MGAT4C: variants seen among roughly 807,000 people sequenced by gnomAD.
The protein encoded by MGAT4C is MGAT4 family member C, also known as alpha-1,3-mannosyl-glycoprotein 4-beta-N-acetylglucosaminyltransferase C.
A neutral mutation model predicts 40.1 loss-of-function variants in MGAT4C; 19 were observed. The observed-to-expected ratio is 0.47, with a 90% CI of 0.33 to 0.70. The LOEUF (loss-of-function observed/expected upper bound fraction) is 0.70, where lower values mean the gene tolerates loss of function less well. Ranked by LOEUF, MGAT4C falls within the 30% of genes least tolerant of loss-of-function variation. MGAT4C has a pLI of 0.02. For synonymous variants in MGAT4C, 181 were observed against 187.1 expected, an observed-to-expected ratio of 0.97 and a Z score of 0.27; for missense variants, 491 against 563.2, an observed-to-expected ratio of 0.87 and a Z score of 1.30.
At chr12:86,296,415 C>T (rs1299047651) in intron 4 of MGAT4C, among the ~76,000 whole-genome samples, 2 of 152,290 alleles carry the variant, frequency 1.3e-5, no homozygotes, top group Non-Finnish European at 2.9e-5. Flanking sequence ...CTCCTCAGCC[C>T]TTGGGCGGTC....
At chr12:86,606,219 T>C (rs928759369) in intron 2 of MGAT4C, among the ~76,000 whole-genome samples, 3 of 152,092 alleles carry the variant, frequency 2.0e-5, no homozygotes, top group African/African-American at 7.2e-5. Flanking sequence ...TGATGAGATT[T>C]GGGTGGGGAT....
chr12:86,603,408 T>TA (rs575288008), intron 2 of MGAT4C, among the ~76,000 whole-genome samples: 1,320 of 119,176 alleles, frequency 0.011, 9 homozygotes, highest in Non-Finnish European at 0.014. Context: ...ATATTATATA[T>TA]TAGTATATAT....
At chr12:86,441,179 C>A (rs1454904763) in intron 2 of MGAT4C, among the ~76,000 whole-genome samples, 4 of 151,770 alleles carry the variant, frequency 2.6e-5, no homozygotes, top group Admixed American at 6.6e-5. Context: ...GCAAAAAGAA[C>A]AAATCTGGAG....
At chr12:86,153,264 C>T (rs1240255404) in intron 1 of MGAT4C, among the ~76,000 whole-genome samples, 1 of 152,114 alleles carries the variant, frequency 6.6e-6, no homozygotes, top group Non-Finnish European at 1.5e-5. Flanking sequence ...ACATTTAGGC[C>T]ACTAAGGAGA....
chr12:86,277,934 T>C (rs1953116421), intron 4 of MGAT4C, among the ~76,000 whole-genome samples: 1 of 152,164 alleles, frequency 6.6e-6, no homozygotes, highest in South Asian at 2.1e-4. Flanking sequence ...CATTTAAGCA[T>C]GTCATTGGCA....
At chr12:86,030,973 C>A (rs182388187) in intron 2 of MGAT4C, among the ~76,000 whole-genome samples, 1 of 151,726 alleles carries the variant, frequency 6.6e-6, no homozygotes, top group African/African-American at 2.4e-5. Context: ...GTAACCATTA[C>A]ATTTAGTCAC....
intron 2 of MGAT4C, among the ~76,000 whole-genome samples, chr12:86,688,569 T>A (rs1593116892): frequency 6.6e-6 from 1 of 152,140 alleles, no homozygotes; most frequent in East Asian, 1.9e-4. Context: ...AGCAGTTGCT[T>A]GTCTGTGAAG....
At chr12:86,322,930 T>G (rs530112960) in intron 4 of MGAT4C, among the ~76,000 whole-genome samples, 62 of 152,148 alleles carry the variant, frequency 4.1e-4, no homozygotes, top group African/African-American at 1.4e-3. Flanking sequence ...GCGGAAGAGT[T>G]AATTTTATAT....
chr12:86,025,250 G>A (rs929373475), intron 2 of MGAT4C, among the ~76,000 whole-genome samples: 16 of 151,326 alleles, frequency 1.1e-4, no homozygotes, highest in African/African-American at 3.9e-4. Flanking sequence ...AATCTGCAAT[G>A]AAAAACTCTT....
chr12:86,488,439 C>A (rs1252139975), intron 2 of MGAT4C, among the ~76,000 whole-genome samples: 11 of 148,700 alleles, frequency 7.4e-5, no homozygotes, highest in South Asian at 4.3e-4. Flanking sequence ...AAAAAAAAAA[C>A]AAAAAACCCA....
chr12:86,298,951 C>T (rs1458275882), intron 4 of MGAT4C, among the ~76,000 whole-genome samples: 10 of 151,990 alleles, frequency 6.6e-5, no homozygotes, highest in Non-Finnish European at 1.0e-4. Flanking sequence ...CCAATGAGTG[C>T]ATATCCTTTT....
At chr12:85,983,374 G>A (rs753298951) in intron 4 of MGAT4C, 149 bp downstream of exon 4, 2 of 699,660 alleles carry the variant, frequency 2.9e-6, no homozygotes, top group Non-Finnish European at 4.2e-6. Context: ...ATAGTAGTTG[G>A]CAATTTGTGA....
intron 1 of MGAT4C, among the ~76,000 whole-genome samples, chr12:86,773,800 T>TTTGTAATTACATATAATGTATA (rs1213419259): frequency 6.6e-6 from 1 of 152,028 alleles, no homozygotes; most frequent in African/African-American, 2.4e-5. Flanking sequence ...TAAACTCTTC[T>TTTGTAATTACATATAATGTATA]TTGTAATTAC....
intron 1 of MGAT4C, among the ~76,000 whole-genome samples, chr12:86,155,966 T>C (rs1187599648): frequency 6.6e-6 from 1 of 152,112 alleles, no homozygotes; most frequent in Non-Finnish European, 1.5e-5. Flanking sequence ...TTTAGTCTAG[T>C]GAAATAAAAA....
At chr12:86,623,451 A>C (rs1962702545) in intron 2 of MGAT4C, among the ~76,000 whole-genome samples, 1 of 152,310 alleles carries the variant, frequency 6.6e-6, no homozygotes, top group African/African-American at 2.4e-5. Context: ...GTTTTTTTTA[A>C]AATGTATCAA....
chr12:86,041,119 T>G (rs1351548670), intron 2 of MGAT4C, among the ~76,000 whole-genome samples: 1 of 149,408 alleles, frequency 6.7e-6, no homozygotes, highest in East Asian at 1.9e-4. Flanking sequence ...GGAGCTTTTC[T>G]TATTCAGCCA....
chr12:85,978,913 A>G lies in MGAT4C; in HGVS notation c.*376T>C, dbSNP rs1232000968. ...TTAATAAAAGCTATCTGATGATATA[A>G]TGAATTATCAGTTCTTGAGGAAGTA... On this transcript the variant is annotated 3_prime_UTR_variant, in exon 5 of 5. Coordinates refer to ENST00000611864, the MANE Select transcript of MGAT4C (RefSeq NM_001351288.2). 6.4e-6 allele frequency: 1 copy of G among 157,322 alleles called. No homozygotes were observed. Among genetic ancestry groups the G allele is most frequent in the Non-Finnish European group, 1.4e-5 (1 of 71,368 alleles). 9.7% of individuals were successfully genotyped at this position (157,322 alleles called of 1,614,324 possible).
intron 2 of MGAT4C, among the ~76,000 whole-genome samples, chr12:86,016,734 T>C (rs1016060260): frequency 2.1e-4 from 32 of 152,170 alleles, no homozygotes; most frequent in African/African-American, 7.7e-4. Flanking sequence ...GTGCATATTC[T>C]TTCTCAAAGG....
chr12:85,984,011 T>C (rs1480032798), intron 3 of MGAT4C, among the ~76,000 whole-genome samples: 1 of 152,338 alleles, frequency 6.6e-6, no homozygotes, highest in East Asian at 1.9e-4. Flanking sequence ...TTGACAATCA[T>C]TTAAGGATCT....
Sources: gnomAD v4.1 joint callset for allele counts (sites outside exome capture counted in the v4.1 genomes callset) on GRCh38, gnomAD v4.1.1 for gene constraint, MANE v1.5 for transcripts, NCBI Gene and HGNC (gene_info 2026-07-23, HGNC 2026-07-21) for gene names.